ADAMTS6: variants seen among roughly 807,000 people sequenced by gnomAD.
ADAMTS6 encodes the protein A disintegrin and metalloproteinase with thrombospondin motifs 6.
Under a neutral mutation model 144.3 loss-of-function variants are expected in ADAMTS6, and 23 were observed. The ratio of observed to expected loss-of-function variants is 0.16; its 90% CI spans 0.11 to 0.23. The LOEUF (loss-of-function observed/expected upper bound fraction) is 0.23. Among genes scored for constraint, ADAMTS6 ranks in the 10% least tolerant of loss-of-function variants. ADAMTS6 has a pLI of 1.00. For missense variants in ADAMTS6, 999 were observed against 1,379.6 expected, an observed-to-expected ratio of 0.72 and a Z score of 4.37; for synonymous variants, 444 against 457.5, an observed-to-expected ratio of 0.97 and a Z score of 0.38.
At chr5:65,282,434 T>C (rs1316742366) in intron 11 of ADAMTS6, among the ~76,000 whole-genome samples, 2 of 152,016 alleles carry the variant, frequency 1.3e-5, no homozygotes, top group East Asian at 1.9e-4. Context: ...CCAGAGAGAA[T>C]AGTTTGTAAA....
intron 7 of ADAMTS6, among the ~76,000 whole-genome samples, chr5:65,361,314 C>A (rs1749802709): frequency 6.6e-6 from 1 of 152,166 alleles, no homozygotes; most frequent in Non-Finnish European, 1.5e-5. Flanking sequence ...TACAATTATG[C>A]CGAGTGTCTC....
At chr5:65,442,153 T>C (rs1757914568) in intron 7 of ADAMTS6, among the ~76,000 whole-genome samples, 1 of 145,108 alleles carries the variant, frequency 6.9e-6, no homozygotes, top group Admixed American at 6.8e-5. Context: ...GCCACAGTGA[T>C]TAGAAAAAGA....
intron 7 of ADAMTS6, among the ~76,000 whole-genome samples, chr5:65,427,551 C>A (rs959349137): frequency 2.0e-5 from 3 of 152,180 alleles, no homozygotes; most frequent in African/African-American, 7.2e-5. Context: ...GTAATCCCAG[C>A]ACTTTGGGAG....
intron 7 of ADAMTS6, among the ~76,000 whole-genome samples, chr5:65,413,874 T>C (rs1755270379): frequency 6.6e-6 from 1 of 152,256 alleles, no homozygotes; most frequent in East Asian, 1.9e-4. Context: ...ATTAACATAA[T>C]TAAATCAACA....
At chr5:65,469,067 C>A (rs1760237851) in intron 3 of ADAMTS6, among the ~76,000 whole-genome samples, 1 of 152,176 alleles carries the variant, frequency 6.6e-6, no homozygotes, top group South Asian at 2.1e-4. Flanking sequence ...CAATTGCTTT[C>A]TCTCCTGTAT....
chr5:65,369,566 C>T (rs529359974), intron 7 of ADAMTS6, among the ~76,000 whole-genome samples: 1 of 150,704 alleles, frequency 6.6e-6, no homozygotes, highest in East Asian at 2.0e-4. Flanking sequence ...AATCTTAATA[C>T]AGCAAATGTG....
chr5:65,340,017 A>G (rs1410537102), intron 7 of ADAMTS6, among the ~76,000 whole-genome samples: 14 of 152,288 alleles, frequency 9.2e-5, no homozygotes, highest in Non-Finnish European at 2.9e-5. Flanking sequence ...GAGAGAGTCC[A>G]GAAAGCTCGA....
intron 2 of ADAMTS6, 65 bp from the exon 3 acceptor site, chr5:65,471,207 A>T (rs1235084856): frequency 1.3e-6 from 2 of 1,488,158 alleles, no homozygotes; most frequent in Non-Finnish European, 1.8e-6. Context: ...ATTTAACGGA[A>T]CAAAGAAGCA....
chr5:65,447,921 C>A (rs1758397898), intron 7 of ADAMTS6, among the ~76,000 whole-genome samples: 1 of 150,572 alleles, frequency 6.6e-6, no homozygotes, highest in South Asian at 2.1e-4. Context: ...CTTTGGTATT[C>A]AGAGCTAAGA....
At chr5:65,438,617 A>T (rs931927276) in intron 7 of ADAMTS6, among the ~76,000 whole-genome samples, 1 of 152,192 alleles carries the variant, frequency 6.6e-6, no homozygotes, top group Non-Finnish European at 1.5e-5. Context: ...CTATAGTTGA[A>T]TCCATCTCCC....
At chr5:65,255,694 C>A (rs1202793530) in intron 14 of ADAMTS6, among the ~76,000 whole-genome samples, 1 of 151,766 alleles carries the variant, frequency 6.6e-6, no homozygotes, top group African/African-American at 2.4e-5. Context: ...TAGAATTTGA[C>A]CTCCTGGCAT....
chr5:65,279,268 C>T (rs943977524), intron 11 of ADAMTS6, among the ~76,000 whole-genome samples: 6 of 150,622 alleles, frequency 4.0e-5, no homozygotes, highest in Admixed American at 6.6e-5. Context: ...TTGTTGCTTC[C>T]AATTTTTTTC....
intron 22 of ADAMTS6, among the ~76,000 whole-genome samples, chr5:65,179,170 C>T (rs1243137924): frequency 6.6e-6 from 1 of 152,224 alleles, no homozygotes; most frequent in African/African-American, 2.4e-5. Flanking sequence ...AACTGACCTT[C>T]CTCAGACTGA....
chr5:65,370,608 C>G (rs904801114), intron 7 of ADAMTS6, among the ~76,000 whole-genome samples: 4 of 152,240 alleles, frequency 2.6e-5, no homozygotes, highest in Non-Finnish European at 5.9e-5. Flanking sequence ...TATCCCGCAC[C>G]TGGATCGGAG....
At chr5:65,263,038 AG>A in intron 12 of ADAMTS6, 76 bp from the exon 13 acceptor site, 2 of 1,580,080 alleles carry the variant, frequency 1.3e-6, no homozygotes, top group Non-Finnish European at 1.7e-6. Flanking sequence ...CATAAGGGTC[AG>A]GTACTGACCA....
chr5:65,378,168 G>T (rs778543260), intron 7 of ADAMTS6, among the ~76,000 whole-genome samples: 2 of 152,024 alleles, frequency 1.3e-5, no homozygotes, highest in African/African-American at 2.4e-5. Flanking sequence ...TCTTTTGGGG[G>T]GATACAATCC....
intron 7 of ADAMTS6, among the ~76,000 whole-genome samples, chr5:65,377,224 C>G (rs776498640): frequency 9.2e-5 from 14 of 152,194 alleles, no homozygotes; most frequent in Non-Finnish European, 1.8e-4. Flanking sequence ...TATATTTCCT[C>G]TTACTACAGT....
At chr5:65,444,404 G>A (rs930342629) in intron 7 of ADAMTS6, among the ~76,000 whole-genome samples, 1 of 152,020 alleles carries the variant, frequency 6.6e-6, no homozygotes, top group African/African-American at 2.4e-5. Flanking sequence ...AATGAACTTA[G>A]CAAGGTTACA....
intron 24 of ADAMTS6, among the ~76,000 whole-genome samples, chr5:65,164,763 A>G (rs1475590893): frequency 1.5e-4 from 21 of 138,852 alleles, no homozygotes; most frequent in Non-Finnish European, 2.7e-4. Flanking sequence ...ACCCCCCAGC[A>G]GGGGCACACT....
Sources: allele counts gnomAD v4.1 joint callset (sites outside exome capture counted in the v4.1 genomes callset), GRCh38; gene constraint gnomAD v4.1.1; transcripts MANE v1.5; gene names NCBI Gene and HGNC (gene_info 2026-07-23, HGNC 2026-07-21).